The following ELP4 variants were observed in gnomAD, a reference collection of about 807,000 sequenced individuals.
ELP4 encodes elongator acetyltransferase complex subunit 4, also known as elongator complex protein 4.
ELP4 carries 51 observed loss-of-function variants against 48.9 expected under a neutral mutation model. That is an observed-to-expected ratio of 1.04 (90% CI 0.83 to 1.32). The LOEUF (loss-of-function observed/expected upper bound fraction) is 1.32, where lower values mean the gene tolerates loss of function less well. Ranked by LOEUF, ELP4 falls within the 40% of genes most tolerant of loss-of-function variation. The pLI is 0.00. For missense variants in ELP4, 519 were observed against 514.6 expected, an observed-to-expected ratio of 1.01 and a Z score of -0.08; for synonymous variants, 210 against 189.2, an observed-to-expected ratio of 1.11 and a Z score of -0.90.
intron 5 of ELP4, among the ~76,000 whole-genome samples, chr11:31,620,987 T>G (rs546442944): frequency 3.2e-4 from 48 of 151,934 alleles, no homozygotes; most frequent in Non-Finnish European, 6.3e-4. Context: ...AATCAGTAAA[T>G]GACAGCCTTC....
chr11:31,667,290 G>A (rs890431366), intron 9 of ELP4, among the ~76,000 whole-genome samples: 2 of 152,136 alleles, frequency 1.3e-5, no homozygotes, highest in African/African-American at 4.8e-5. Flanking sequence ...CCCTTGGAAA[G>A]ATTCCTTTTA....
chr11:31,606,971 A>C (rs980839113), intron 5 of ELP4, among the ~76,000 whole-genome samples: 5 of 152,146 alleles, frequency 3.3e-5, no homozygotes, highest in African/African-American at 1.2e-4. Context: ...TTGGGAAGTA[A>C]TTAGGTTTAG....
chr11:31,550,097 A>G (rs1470137577), intron 3 of ELP4, among the ~76,000 whole-genome samples: 10 of 152,082 alleles, frequency 6.6e-5, no homozygotes, highest in Admixed American at 6.6e-4. Context: ...TAACCTGCAC[A>G]TTGTGCACAT....
intron 1 of ELP4, chr11:31,511,724 A>G (rs920697073): frequency 6.6e-6 from 1 of 152,220 alleles, no homozygotes; most frequent in African/African-American, 2.4e-5. Context: ...TGAACCTCGG[A>G]TTAATGATTT....
At chr11:31,516,590 T>C (rs1326299405) in intron 1 of ELP4, among the ~76,000 whole-genome samples, 3 of 152,162 alleles carry the variant, frequency 2.0e-5, no homozygotes, top group African/African-American at 7.2e-5. Context: ...TAACTTCCCA[T>C]GCTCAATTGA....
At position 31,608,605 on chromosome 11, in the gene ELP4, G is replaced by T. The variant is rs574100858; in HGVS notation, c.653+4698G>T. Among the ~76,000 whole-genome samples the T allele has an allele frequency of 1.1e-3, 162 of 151,832 alleles. 1 individual carries two copies. Among genetic ancestry groups the T allele is most frequent in the African/African-American group, 3.4e-3 (140 of 41,396 alleles). On this transcript the variant is annotated intron_variant, in intron 5 of 9. Transcript: ENST00000640961. The stretch of plus-strand genomic sequence containing the variant: ...TAGCGGGTGCTGGGTGGGGGGGTCA[G>T]GGGCCGTACTAGCAGAGAGGAGCAG...
intron 9 of ELP4, among the ~76,000 whole-genome samples, chr11:31,678,295 A>G (rs982705401): frequency 1.3e-5 from 2 of 152,074 alleles, no homozygotes; most frequent in African/African-American, 2.4e-5. Context: ...AAAAAATTTT[A>G]AAAATTAGCC....
chr11:31,620,416 A>C (rs145414483), intron 5 of ELP4, among the ~76,000 whole-genome samples: 1 of 151,986 alleles, frequency 6.6e-6, no homozygotes, highest in Non-Finnish European at 1.5e-5. Context: ...ATGATTGCCT[A>C]TGGGTACTAG....
chr11:31,594,409 G>T (rs1480722858), intron 3 of ELP4, among the ~76,000 whole-genome samples: 1 of 152,014 alleles, frequency 6.6e-6, no homozygotes, highest in African/African-American at 2.4e-5. Context: ...TTACCTTGTG[G>T]CCAACATAAT....
intron 9 of ELP4, among the ~76,000 whole-genome samples, chr11:31,676,673 A>T (rs761454424): frequency 6.6e-6 from 1 of 152,218 alleles, no homozygotes; most frequent in Non-Finnish European, 1.5e-5. Flanking sequence ...TATAGGTACT[A>T]AGTGTTAGAC....
At chr11:31,697,603 C>T (rs768757101) in intron 9 of ELP4, among the ~76,000 whole-genome samples, 1 of 152,066 alleles carries the variant, frequency 6.6e-6, no homozygotes, top group Non-Finnish European at 1.5e-5. Context: ...TTGGAAACTT[C>T]AGGACTTTAT....
intron 3 of ELP4, among the ~76,000 whole-genome samples, chr11:31,587,475 G>A (rs995554228): frequency 6.6e-6 from 1 of 152,166 alleles, no homozygotes; most frequent in Non-Finnish European, 1.5e-5. Flanking sequence ...GCTGAAAAGT[G>A]TAAAAAGGAG....
intron 1 of ELP4, among the ~76,000 whole-genome samples, chr11:31,516,703 G>C (rs1238947304): frequency 2.0e-5 from 3 of 152,122 alleles, no homozygotes; most frequent in Non-Finnish European, 2.9e-5. Flanking sequence ...TTTTGTCCAG[G>C]CTTGTCTCAA....
Position 31,789,572 on chromosome 11 carries a change from C to CT in ELP4, c.*6053dup, listed in dbSNP as rs553690261. ...GGCAAAGCTTGTTGATCATGGTTTT[C>CT]TTTTTAAAAAAAAAAAAAACAACTT... On this transcript the variant is annotated 3_prime_UTR_variant, in exon 10 of 10. Transcript: ENST00000640961. 327 of 598,478 alleles carry CT rather than the reference C, an allele frequency of 5.5e-4. No individual in the cohort carries two copies. The highest frequency in any genetic ancestry group is 1.5e-3 in the Middle Eastern group (4 of 2,600). The allele number at this position is 598,478 out of a possible 1,614,324, so 37.1% of individuals were successfully genotyped here. A position where few individuals can be genotyped will look rare whatever the true frequency, so the allele number is the denominator to read the frequency against.
At chr11:31,666,466 G>A (rs1014165303) in intron 9 of ELP4, among the ~76,000 whole-genome samples, 5 of 152,072 alleles carry the variant, frequency 3.3e-5, no homozygotes, top group African/African-American at 1.2e-4. Flanking sequence ...GGCCAAGGTG[G>A]GTGGATCATG....
intron 9 of ELP4, chr11:31,763,618 A>G: frequency 6.9e-7 from 1 of 1,439,828 alleles, no homozygotes; most frequent in Non-Finnish European, 9.3e-7. Context: ...TAAGAAGGGA[A>G]TGTTAAGGGA....
intron 9 of ELP4, among the ~76,000 whole-genome samples, chr11:31,673,077 C>CA (rs1199173948): frequency 6.7e-6 from 1 of 150,204 alleles, no homozygotes; most frequent in African/African-American, 2.4e-5. Context: ...AGTGCAGTGG[C>CA]ACGATCTCAG....
At chr11:31,515,027 GTGTGTGTA>G (rs879340632) in intron 1 of ELP4, among the ~76,000 whole-genome samples, 49 of 137,254 alleles carry the variant, frequency 3.6e-4, no homozygotes, top group Admixed American at 2.2e-3. Context: ...GTGTGTGTGT[GTGTGTGTA>G]TATATATATA....
At chr11:31,739,974 C>G (rs543343060) in intron 9 of ELP4, among the ~76,000 whole-genome samples, 1 of 152,218 alleles carries the variant, frequency 6.6e-6, no homozygotes, top group Admixed American at 6.5e-5. Flanking sequence ...ATTTTTTTCT[C>G]TCTAAATTCA....
Sources: gnomAD v4.1 joint callset for allele counts (sites outside exome capture counted in the v4.1 genomes callset) on GRCh38, gnomAD v4.1.1 for gene constraint, MANE v1.5 for transcripts, NCBI Gene and HGNC (gene_info 2026-07-23, HGNC 2026-07-21) for gene names.